Variants in CAMSAP2 observed in about 807,000 individuals in gnomAD.
The protein encoded by CAMSAP2 is calmodulin-regulated spectrin-associated protein 2.
In CAMSAP2, 26 loss-of-function variants were observed where a neutral mutation model predicts 146.1. The observed-to-expected ratio is 0.18, with a 90% CI of 0.13 to 0.25. The LOEUF (loss-of-function observed/expected upper bound fraction) is 0.25, where lower values mean the gene tolerates loss of function less well. Ranked by LOEUF, CAMSAP2 falls within the 10% of genes least tolerant of loss-of-function variation. The pLI, the probability that CAMSAP2 is intolerant of heterozygous loss-of-function variation, is 1.00. For synonymous variants in CAMSAP2, 499 were observed against 596.6 expected, an observed-to-expected ratio of 0.84 and a Z score of 2.38; for missense variants, 1,381 against 1,759.3, an observed-to-expected ratio of 0.78 and a Z score of 3.85.
rs12094164 is a variant in CAMSAP2 at position 200,848,197 on chromosome 1, A to G, written c.1428A>G (p.Pro476=). ...TTAGGAAAAATTTGTCCTTCAAGCC[A>G]ATAAATGGAGAAGAGGAAGCAGAGA... ...KHIRKNLSFK[P]INGEEEAESI... Residue 476 remains proline (P), a synonymous_variant, in exon 11 of 17, where the codon CCA becomes CCG. Transcript: ENST00000358823. The G allele has an allele frequency of 3.3e-4, 533 of 1,613,964 alleles. No homozygotes were observed. In the African/African-American group the frequency reaches 6.4e-3, roughly 19 times the overall value.
intron 1 of CAMSAP2, among the ~76,000 whole-genome samples, chr1:200,754,497 G>C (rs1328684287): frequency 6.6e-6 from 1 of 150,980 alleles, no homozygotes; most frequent in Non-Finnish European, 1.5e-5. Flanking sequence ...GATCTTGCCT[G>C]AACCGATTAT....
At chr1:200,807,993 T>G (rs1227798250) in intron 3 of CAMSAP2, among the ~76,000 whole-genome samples, 1 of 152,132 alleles carries the variant, frequency 6.6e-6, no homozygotes. Context: ...CTACCCACCT[T>G]GGCCTCCCAA....
At chr1:200,765,567 C>A (rs777698965) in intron 2 of CAMSAP2, among the ~76,000 whole-genome samples, 1 of 152,008 alleles carries the variant, frequency 6.6e-6, no homozygotes, top group Non-Finnish European at 1.5e-5. Flanking sequence ...CCACTGACAT[C>A]TCCGCTTGAA....
intron 2 of CAMSAP2, among the ~76,000 whole-genome samples, chr1:200,779,501 C>T (rs1370862668): frequency 6.6e-6 from 1 of 152,042 alleles, no homozygotes; most frequent in Non-Finnish European, 1.5e-5. Context: ...GAGATATGGG[C>T]TTGAGATAGA....
chr1:200,758,203 A>T (rs972010315), intron 1 of CAMSAP2, among the ~76,000 whole-genome samples: 2 of 152,258 alleles, frequency 1.3e-5, no homozygotes, highest in African/African-American at 2.4e-5. Flanking sequence ...ATATATAGGT[A>T]TGATAGATAA....
intron 2 of CAMSAP2, among the ~76,000 whole-genome samples, chr1:200,801,618 C>G (rs942865140): frequency 1.3e-5 from 2 of 152,134 alleles, no homozygotes; most frequent in Non-Finnish European, 2.9e-5. Flanking sequence ...TTCTTGGAGG[C>G]TTTGTTTGTT....
At position 200,857,157 on chromosome 1, in the gene CAMSAP2, A is replaced by G. The variant is rs1667769751; in HGVS notation, c.4013-149A>G. 3.0e-6 allele frequency: 2 copies of G among 656,196 alleles called. No homozygotes were observed. Among genetic ancestry groups the G allele is most frequent in the Non-Finnish European group, 5.4e-6 (2 of 368,326 alleles). 40.6% of individuals were successfully genotyped at this position (656,196 alleles called of 1,614,324 possible). On this transcript the variant is annotated intron_variant, in intron 15 of 16. Transcript: ENST00000358823. The surrounding 1 kb of genome is among the most constrained non-coding windows in gnomAD (Gnocchi z 4.7). ...GTGGATAAAACAATGTTTTGGTTGG[A>G]TTGCAGCCAGTAAGAGGCCTTTAAG...
At chr1:200,827,231 A>ATGTT (rs1406122637) in intron 4 of CAMSAP2, among the ~76,000 whole-genome samples, 1 of 152,228 alleles carries the variant, frequency 6.6e-6, no homozygotes, top group East Asian at 1.9e-4. Context: ...AATTAGTAAC[A>ATGTT]AAATCCAATT....
chr1:200,855,322 T>C (rs1312516710), intron 14 of CAMSAP2, among the ~76,000 whole-genome samples: 1 of 151,832 alleles, frequency 6.6e-6, no homozygotes, highest in South Asian at 2.1e-4. Flanking sequence ...ATCTCTTTTG[T>C]ATTTTCTTTC....
intron 1 of CAMSAP2, among the ~76,000 whole-genome samples, chr1:200,759,867 G>A (rs371197505): frequency 2.6e-5 from 4 of 152,206 alleles, no homozygotes; most frequent in East Asian, 3.8e-4. Context: ...GAAATGGAGA[G>A]GAGGAGGAAG....
At chr1:200,854,738 C>T in intron 13 of CAMSAP2, 79 bp from the exon 14 acceptor site, 1 of 1,001,754 alleles carries the variant, frequency 1.0e-6, no homozygotes. Flanking sequence ...ATCTAATGAA[C>T]AGACTCTTTG....
chr1:200,817,519 A>G (rs1666637435), intron 4 of CAMSAP2, among the ~76,000 whole-genome samples: 1 of 152,164 alleles, frequency 6.6e-6, no homozygotes, highest in Non-Finnish European at 1.5e-5. Flanking sequence ...TAGTATTAGA[A>G]TTGAGGTATA....
chr1:200,845,178 C>A (rs931659731), intron 8 of CAMSAP2, among the ~76,000 whole-genome samples: 1 of 151,792 alleles, frequency 6.6e-6, no homozygotes, highest in Admixed American at 6.6e-5. Flanking sequence ...AACTCTTAGG[C>A]CTTGGAGGGA....
At chr1:200,800,781 T>C (rs1462392492) in intron 2 of CAMSAP2, among the ~76,000 whole-genome samples, 1 of 152,240 alleles carries the variant, frequency 6.6e-6, no homozygotes, top group African/African-American at 2.4e-5. Flanking sequence ...CAATTTGGTA[T>C]GTTTTTGCAG....
intron 2 of CAMSAP2, among the ~76,000 whole-genome samples, chr1:200,775,925 G>A (rs1308864105): frequency 6.6e-6 from 1 of 151,878 alleles, no homozygotes; most frequent in African/African-American, 2.4e-5. Context: ...TAAGTACAGA[G>A]TGCTATGCCA....
intron 3 of CAMSAP2, among the ~76,000 whole-genome samples, chr1:200,812,205 T>C (rs1229599130): frequency 3.3e-5 from 5 of 152,212 alleles, no homozygotes; most frequent in African/African-American, 1.2e-4. Flanking sequence ...TTATTTCTAG[T>C]GCCTACGATG....
chr1:200,802,767 A>C (rs982965943), intron 2 of CAMSAP2, among the ~76,000 whole-genome samples: 18 of 152,162 alleles, frequency 1.2e-4, no homozygotes, highest in Admixed American at 6.5e-4. Context: ...TGAGGCTAAA[A>C]ATTTCTTATA....
At chr1:200,816,269 CAG>C (rs1408339282) in intron 4 of CAMSAP2, among the ~76,000 whole-genome samples, 1 of 133,992 alleles carries the variant, frequency 7.5e-6, no homozygotes, top group Non-Finnish European at 1.6e-5. Context: ...GCCTGGGGGA[CAG>C]AGCGAGACTC....
intron 1 of CAMSAP2, among the ~76,000 whole-genome samples, chr1:200,754,554 T>C (rs927893676): frequency 6.6e-5 from 10 of 151,560 alleles, no homozygotes; most frequent in Non-Finnish European, 1.5e-4. Context: ...TTGGTATTAT[T>C]CTACCACAAG....
Sources: allele counts gnomAD v4.1 joint callset (sites outside exome capture counted in the v4.1 genomes callset), GRCh38; gene constraint gnomAD v4.1.1; non-coding constraint Gnocchi (gnomAD v3.1); transcripts MANE v1.5; gene names NCBI Gene and HGNC (gene_info 2026-07-23, HGNC 2026-07-21).